ZNF516: variants seen among roughly 807,000 people sequenced by gnomAD.
The protein encoded by ZNF516 is zinc finger protein 516.
ZNF516 carries 19 observed loss-of-function variants against 79.7 expected under a neutral mutation model. The observed-to-expected ratio is 0.24, with a 90% CI of 0.17 to 0.35. The LOEUF (loss-of-function observed/expected upper bound fraction) is 0.35. Among genes scored for constraint, ZNF516 ranks in the 10% least tolerant of loss-of-function variants. ZNF516 has a pLI of 1.00. For synonymous variants in ZNF516, 877 were observed against 739.5 expected, an observed-to-expected ratio of 1.19 and a Z score of -3.02; for missense variants, 1,678 against 1,679.5, an observed-to-expected ratio of 1.00 and a Z score of 0.02.
chr18:76,397,486 G>C (rs1222703205), intron 3 of ZNF516, among the ~76,000 whole-genome samples: 1 of 104,548 alleles, frequency 9.6e-6, no homozygotes, highest in Non-Finnish European at 1.9e-5. Context: ...TACTTTTTCT[G>C]GATGACTGAG....
intron 3 of ZNF516, among the ~76,000 whole-genome samples, chr18:76,403,553 A>AT (rs2075259893): frequency 6.6e-6 from 1 of 152,160 alleles, no homozygotes; most frequent in Admixed American, 6.5e-5. Flanking sequence ...CGACTGTACA[A>AT]TGAGATACAG....
At chr18:76,461,763 G>A (rs898462772) in intron 2 of ZNF516, among the ~76,000 whole-genome samples, 4 of 152,206 alleles carry the variant, frequency 2.6e-5, no homozygotes, top group Non-Finnish European at 4.4e-5. Flanking sequence ...GGGACCGCAC[G>A]GGAACCAGCT....
intron 1 of ZNF516, among the ~76,000 whole-genome samples, chr18:76,486,749 A>G (rs1914856648): frequency 6.6e-6 from 1 of 151,862 alleles, no homozygotes; most frequent in Admixed American, 6.6e-5. Context: ...CTAAGATTTC[A>G]TCCCATTTTC....
chr18:76,423,741 T>C (rs12963279), intron 3 of ZNF516, among the ~76,000 whole-genome samples: 131 of 60,034 alleles, frequency 2.2e-3, no homozygotes, highest in Non-Finnish European at 3.1e-3. Flanking sequence ...TCCTGAAACA[T>C]ACACACGCAG....
At position 76,360,646 on chromosome 18, in the gene ZNF516, A is replaced by AAAAATATAT. The variant is rs373540251; in HGVS notation, c.*1851_*1852insATATATTTT. ...AAAAAAATAAGTAAAAAAAAAAAAA[A>AAAAATATAT]ATATATATATATATATATATATATA... On this transcript the variant is annotated 3_prime_UTR_variant, in exon 7 of 7. Coordinates refer to ENST00000443185, the MANE Select transcript of ZNF516 (RefSeq NM_014643.4). 22 of 72,456 alleles carry AAAAATATAT rather than the reference A, an allele frequency of 3.0e-4. No homozygotes were observed. The highest frequency in any genetic ancestry group is 9.8e-4 in the African/African-American group (16 of 16,368). The allele number at this position is 72,456 out of a possible 1,614,324, so 4.5% of individuals were successfully genotyped here. A position where few individuals can be genotyped will look rare whatever the true frequency, so the allele number is the denominator to read the frequency against.
intron 3 of ZNF516, chr18:76,386,102 A>G (rs1230246955): frequency 1.3e-5 from 2 of 152,208 alleles, no homozygotes; most frequent in Non-Finnish European, 2.9e-5. Context: ...CTTTCCACCC[A>G]TAACGGATAC....
chr18:76,433,467 T>C (rs1197492227), intron 3 of ZNF516, among the ~76,000 whole-genome samples: 1 of 152,104 alleles, frequency 6.6e-6, no homozygotes, highest in African/African-American at 2.4e-5. Context: ...AAAGAATGTG[T>C]CCACGCAACA....
At chr18:76,409,785 C>A (rs2056977584) in intron 3 of ZNF516, among the ~76,000 whole-genome samples, 1 of 152,154 alleles carries the variant, frequency 6.6e-6, no homozygotes, top group Non-Finnish European at 1.5e-5. Flanking sequence ...AATTACATGT[C>A]CCCAAATTGG....
intron 3 of ZNF516, among the ~76,000 whole-genome samples, chr18:76,384,496 C>T (rs566020942): frequency 1.5e-5 from 2 of 135,752 alleles, no homozygotes; most frequent in Non-Finnish European, 3.2e-5. Context: ...CCATGGCCCC[C>T]ATACCCCCTC....
At chr18:76,415,847 T>G (rs771077102) in intron 3 of ZNF516, among the ~76,000 whole-genome samples, 1 of 152,134 alleles carries the variant, frequency 6.6e-6, no homozygotes, top group Non-Finnish European at 1.5e-5. Flanking sequence ...AGGCCCTGGG[T>G]CCCTTAACAA....
At chr18:76,419,681 C>A (rs2075481231) in intron 3 of ZNF516, among the ~76,000 whole-genome samples, 1 of 152,182 alleles carries the variant, frequency 6.6e-6, no homozygotes, top group Admixed American at 6.5e-5. Context: ...CCTGCACAAG[C>A]CCTCTTGCCT....
chr18:76,492,907 T>C, intron 1 of ZNF516: 2 of 985,604 alleles, frequency 2.0e-6, no homozygotes, highest in South Asian at 4.7e-5. Context: ...TCTGTGTAAA[T>C]GCAGAAGCCT....
chr18:76,482,623 A>G (rs368031036), intron 1 of ZNF516, among the ~76,000 whole-genome samples: 90 of 152,350 alleles, frequency 5.9e-4, no homozygotes, highest in African/African-American at 2.1e-3. Flanking sequence ...CGCATTTCCG[A>G]CTTAAAAGTA....
intron 5 of ZNF516, among the ~76,000 whole-genome samples, chr18:76,370,980 G>A (rs1189058047): frequency 6.6e-6 from 1 of 152,148 alleles, no homozygotes; most frequent in African/African-American, 2.4e-5. Flanking sequence ...CCCCTGCGCT[G>A]TCCTGACAGT....
intron 6 of ZNF516, among the ~76,000 whole-genome samples, chr18:76,364,113 A>C (rs1204257057): frequency 6.6e-6 from 1 of 152,250 alleles, no homozygotes; most frequent in Non-Finnish European, 1.5e-5. Context: ...AGGGCTCAGA[A>C]GGCTTTAAAA....
At chr18:76,395,978 C>T (rs1401459145) in intron 3 of ZNF516, among the ~76,000 whole-genome samples, 1 of 152,222 alleles carries the variant, frequency 6.6e-6, no homozygotes, top group Non-Finnish European at 1.5e-5. Context: ...AGCATCCACG[C>T]TCCTGACCCA....
At chr18:76,370,308 G>A (rs2074681183) in intron 6 of ZNF516, among the ~76,000 whole-genome samples, 1 of 152,190 alleles carries the variant, frequency 6.6e-6, no homozygotes, top group Non-Finnish European at 1.5e-5. Flanking sequence ...AACCAGCTGT[G>A]TGCACCTAGA....
chr18:76,435,882 T>C (rs2075726628), intron 3 of ZNF516, among the ~76,000 whole-genome samples: 1 of 152,214 alleles, frequency 6.6e-6, no homozygotes, highest in Non-Finnish European at 1.5e-5. Context: ...TCTGGTTTTG[T>C]TCTCTGGATG....
chr18:76,489,474 T>C (rs1416854854), intron 1 of ZNF516, among the ~76,000 whole-genome samples: 1 of 152,026 alleles, frequency 6.6e-6, no homozygotes, highest in African/African-American at 2.4e-5. Context: ...GTAAATGGAA[T>C]TAAAAGTTTC....
Sources: allele counts gnomAD v4.1 joint callset (sites outside exome capture counted in the v4.1 genomes callset), GRCh38; gene constraint gnomAD v4.1.1; transcripts MANE v1.5; gene names NCBI Gene and HGNC (gene_info 2026-07-23, HGNC 2026-07-21).